The following SLC26A8 variants were observed in gnomAD, a reference collection of about 807,000 sequenced individuals.
The protein encoded by SLC26A8 is testis anion transporter 1.
In SLC26A8, 70 loss-of-function variants were observed where a neutral mutation model predicts 105.0. That is an observed-to-expected ratio of 0.67 (90% confidence interval 0.55 to 0.81). SLC26A8 has a LOEUF of 0.81. Among genes scored for constraint, SLC26A8 ranks in the 40% least tolerant of loss-of-function variants. SLC26A8 has a pLI of 0.00. For missense variants in SLC26A8, 998 were observed against 1,181.8 expected (o/e 0.84, Z 2.28); for synonymous variants, 415 against 438.3 (o/e 0.95, Z 0.66).
chr6:35,994,160 G>C (rs1329777239), intron 5 of SLC26A8, among the ~76,000 whole-genome samples: 1 of 142,098 alleles, frequency 7.0e-6, no homozygotes, highest in African/African-American at 2.6e-5. Flanking sequence ...TGTCGCCCAG[G>C]CTGGAGTGCA....
chr6:35,987,529 G>A (rs1285461192), intron 7 of SLC26A8, among the ~76,000 whole-genome samples: 1 of 152,054 alleles, frequency 6.6e-6, no homozygotes, highest in Non-Finnish European at 1.5e-5. Flanking sequence ...ACAACACCAT[G>A]CCCAGCTAAT....
chr6:35,957,933 A>G (rs928232666), intron 16 of SLC26A8, among the ~76,000 whole-genome samples: 7 of 151,262 alleles, frequency 4.6e-5, no homozygotes, highest in Middle Eastern at 3.4e-3. Flanking sequence ...TCTCTCCTCC[A>G]TCTACTCTAC....
chr6:35,981,377 A>G lies in SLC26A8; in HGVS notation c.1025+744T>C, dbSNP rs936566651. Reference sequence around the variant, plus strand: ...CAATTCTGACCGGGCACTGTGGCTCATGCCTGTAATCCCAGCACTATAGGA... The same window carrying G: ...CAATTCTGACCGGGCACTGTGGCTCGTGCCTGTAATCCCAGCACTATAGGA... On this transcript the variant is annotated intron_variant, in intron 8 of 19. Transcript: ENST00000490799. The surrounding 1 kb of genome is among the most constrained non-coding windows in gnomAD (Gnocchi z 4.0). Among the ~76,000 whole-genome samples, 14 of 152,206 alleles carry G rather than the reference A, an allele frequency of 9.2e-5. No individual in the cohort carries two copies. Among genetic ancestry groups the G allele is most frequent in the African/African-American group, 3.4e-4 (14 of 41,464 alleles).
intron 8 of SLC26A8, 108 bp downstream of exon 8, chr6:35,982,013 G>A: frequency 8.9e-7 from 1 of 1,127,574 alleles, no homozygotes; most frequent in Non-Finnish European, 1.3e-6. Flanking sequence ...AATGAATTTT[G>A]CTTTGGCCAG....
intron 6 of SLC26A8, 80 bp from the exon 7 acceptor site, chr6:35,991,888 C>T (rs1761176089): frequency 2.2e-6 from 3 of 1,364,430 alleles, no homozygotes; most frequent in Non-Finnish European, 2.9e-6. Context: ...TGTAGATTAA[C>T]CCAAAAAGAA....
chr6:35,972,961 GC>G (rs1772854396), intron 10 of SLC26A8, among the ~76,000 whole-genome samples: 2 of 152,170 alleles, frequency 1.3e-5, no homozygotes, highest in South Asian at 2.1e-4. Context: ...CTGAACTGAA[GC>G]CCTTCTTCCT....
intron 2 of SLC26A8, among the ~76,000 whole-genome samples, chr6:36,015,583 G>C (rs139005927): frequency 8.4e-4 from 128 of 152,292 alleles, no homozygotes; most frequent in African/African-American, 2.9e-3. Context: ...AGGTAGAAAG[G>C]AGTTAGGTTG....
intron 7 of SLC26A8, among the ~76,000 whole-genome samples, chr6:35,991,047 T>G (rs1485645078): frequency 6.6e-6 from 1 of 152,052 alleles, no homozygotes; most frequent in Non-Finnish European, 1.5e-5. Flanking sequence ...GAGTAGATCT[T>G]AAATGTTCTC....
chr6:35,977,484 A>C, intron 8 of SLC26A8, 133 bp from the exon 9 acceptor site: 1 of 974,670 alleles, frequency 1.0e-6, no homozygotes, highest in African/African-American at 1.7e-5. Context: ...AAGCGGAGTG[A>C]TTGAGGCAGC....
chr6:35,949,974 T>G (rs1771806171), intron 19 of SLC26A8, among the ~76,000 whole-genome samples: 1 of 151,688 alleles, frequency 6.6e-6, no homozygotes, highest in South Asian at 2.1e-4. Flanking sequence ...CCCGGCTAAT[T>G]TTTTTGTATT....
intron 8 of SLC26A8, among the ~76,000 whole-genome samples, chr6:35,978,536 A>G (rs929923566): frequency 2.0e-5 from 3 of 152,216 alleles, no homozygotes; most frequent in Admixed American, 6.5e-5. Flanking sequence ...ATCTTTAATC[A>G]TTTCATCAAA....
rs147094400 is a variant in SLC26A8, at chr6:35,991,787, C to G, written c.814G>C (p.Ala272Pro). ...FFYDIINYCV[A>P]LPKANSTSIL... ...CTGGTGGAATTCGCTTTTGGGAGAG[C>G]TACACAGTAATTAATTATGTCCTGA... is the stretch of plus-strand genomic sequence containing the variant. Residue 272 changes from alanine (A) to proline (P), a missense_variant, in exon 7 of 20, where the codon GCT becomes CCT. By Grantham distance (27) the Ala-to-Pro change is conservative. Transcript: ENST00000490799. 1.0e-4 allele frequency: 165 copies of G among 1,598,084 alleles called. No individual in the cohort carries two copies. The highest frequency in any genetic ancestry group is 1.4e-4 in the Non-Finnish European group (159 of 1,174,760).
rs537980862 is a variant in SLC26A8 at position 36,007,591 on chromosome 6, T to G, written c.328+4642A>C. Among the ~76,000 whole-genome samples the G allele has an allele frequency of 2.6e-5, 4 of 152,308 alleles. No homozygotes were observed. In the East Asian group the frequency reaches 5.8e-4, roughly 22 times the overall value. ...AAAAACCTTTTTTGGTAAATTTAGA[T>G]AAGCTGATTATAAAATGAATACGGA... On this transcript the variant is annotated intron_variant, in intron 3 of 19. Transcript: ENST00000490799.
At chr6:35,983,484 G>A (rs1773360065) in intron 7 of SLC26A8, among the ~76,000 whole-genome samples, 1 of 151,748 alleles carries the variant, frequency 6.6e-6, no homozygotes, top group African/African-American at 2.4e-5. Context: ...TGAATTATCA[G>A]TATAGTCTAC....
At chr6:35,962,443 G>A (rs1772344061) in intron 12 of SLC26A8, 83 bp downstream of exon 12, 2 of 1,124,820 alleles carry the variant, frequency 1.8e-6, no homozygotes, top group Non-Finnish European at 2.7e-6. Context: ...TAGGTCCATG[G>A]CAGATCTCTT....
intron 3 of SLC26A8, among the ~76,000 whole-genome samples, chr6:36,002,804 A>G (rs571858499): frequency 2.6e-4 from 39 of 150,314 alleles, no homozygotes; most frequent in African/African-American, 9.3e-4. Flanking sequence ...TCCTTGTTTG[A>G]GCGATTCTCC....
intron 7 of SLC26A8, 26 bp from the exon 8 acceptor site, chr6:35,982,229 T>C: frequency 1.9e-6 from 3 of 1,563,508 alleles, no homozygotes; most frequent in Non-Finnish European, 2.6e-6. Flanking sequence ...AAAGAAGGGA[T>C]GGGGGCATAT....
intron 19 of SLC26A8, 111 bp from the exon 20 acceptor site, chr6:35,944,451 G>A (rs373043543): frequency 3.2e-5 from 22 of 691,856 alleles, no homozygotes; most frequent in East Asian, 1.3e-4. Context: ...CAGGAGAATC[G>A]CTTTAGACCA....
intron 2 of SLC26A8, among the ~76,000 whole-genome samples, chr6:36,015,973 G>A (rs1421584031): frequency 6.6e-6 from 1 of 151,874 alleles, no homozygotes; most frequent in African/African-American, 2.4e-5. Context: ...CTATAATGAT[G>A]TAGGTCACAA....
Sources: allele counts gnomAD v4.1 joint callset (sites outside exome capture counted in the v4.1 genomes callset), GRCh38; gene constraint gnomAD v4.1.1; non-coding constraint Gnocchi (gnomAD v3.1); transcripts MANE v1.5; gene names NCBI Gene and HGNC (gene_info 2026-07-23, HGNC 2026-07-21).